Variants in MAP3K6 observed in about 807,000 individuals in gnomAD.
MAP3K6 encodes the protein apoptosis signal-regulating kinase 2.
Under a neutral mutation model 147.1 loss-of-function variants are expected in MAP3K6, and 105 were observed. The ratio of observed to expected loss-of-function variants is 0.71; its 90% CI spans 0.61 to 0.84. MAP3K6 has a LOEUF of 0.84. MAP3K6 is among the 40% of genes least tolerant of loss of function. The pLI is 0.00. For missense variants in MAP3K6, 1,569 were observed against 1,715.0 expected, an observed-to-expected ratio of 0.91 and a Z score of 1.50; for synonymous variants, 695 against 732.4, an observed-to-expected ratio of 0.95 and a Z score of 0.82.
At position 27,364,627 on chromosome 1, in the gene MAP3K6, G is replaced by T. The variant is rs2015910524; in HGVS notation, c.504+34C>A. ...GTCAGAGGTCATAGCGGAAGTCAAA[G>T]GGCACTTTTGAGTGAGAGGTGGATT... On this transcript the variant is annotated intron_variant, in intron 3 of 28. Coordinates refer to ENST00000357582, the MANE Select transcript of MAP3K6 (RefSeq NM_004672.5). The surrounding 1 kb of genome is among the most constrained non-coding windows in gnomAD (Gnocchi z 4.4). 1.2e-6 allele frequency: 2 copies of T among 1,614,134 alleles called. No homozygotes were observed. The highest frequency in any genetic ancestry group is 4.5e-5 in the East Asian group (2 of 44,886).
At position 27,357,391 on chromosome 1, in the gene MAP3K6, C is replaced by A. The variant is rs755510244; in HGVS notation, c.3258+9G>T. The A allele has an allele frequency of 8.8e-6, 14 of 1,587,476 alleles. No homozygotes were observed. The highest frequency in any genetic ancestry group is 5.4e-5 in the African/African-American group (4 of 73,970). On this transcript the variant is annotated intron_variant, in intron 23 of 28. Coordinates refer to ENST00000357582, the MANE Select transcript of MAP3K6 (RefSeq NM_004672.5). ...TTGGGCAGCTCTAACTACCAGAAGG[C>A]GCCCTCACCGCATCCGGGAAGGCAA...
chr1:27,362,165 G>C lies in MAP3K6; in HGVS notation c.1341C>G (p.Ala447=). ...GGGTGGGGTCATTGGCGAGGATCTG[G>C]GCTCCCAGGTAGAAACCCACATCCC... is the stretch of plus-strand genomic sequence containing the variant. ...YYWDVGFYLG[A]QILANDPTQV... Residue 447 remains alanine, a synonymous_variant, in exon 9 of 29, where the codon GCC becomes GCG. Transcript: ENST00000357582. 6.2e-7 allele frequency: 1 copy of C among 1,613,690 alleles called. No individual in the cohort carries two copies. Among genetic ancestry groups the C allele is most frequent in the Non-Finnish European group, 8.5e-7 (1 of 1,179,978 alleles).
Position 27,361,246 on chromosome 1 carries a change from T to C in MAP3K6, c.1743A>G (p.Ser581=), listed in dbSNP as rs117624579. The change falls in exon 13 of 29, where the codon TCA becomes TCG. Residue 581 remains serine, a synonymous_variant. Transcript: ENST00000357582. ...PVASICGVSA[S]KRDERCCFLY... ...GGAAGCAGCAGCGCTCGTCGCGCTTTGAGGCGCTGGGAAGGGATGAAGAAC... is the reference window on the plus strand; with the variant it reads ...GGAAGCAGCAGCGCTCGTCGCGCTTCGAGGCGCTGGGAAGGGATGAAGAAC... The C allele has an allele frequency of 3.1e-4, 494 of 1,613,504 alleles. 6 individuals carry two copies. In the East Asian group the frequency reaches 0.011, roughly 36 times the overall value.
Position 27,359,827 on chromosome 1 carries a change from C to T in MAP3K6, c.2319+31G>A, listed in dbSNP as rs2015676076. On this transcript the variant is annotated intron_variant, in intron 17 of 28. Transcript: ENST00000357582. The surrounding 1 kb of genome is among the most constrained non-coding windows in gnomAD (Gnocchi z 4.4). ...ATGTTTCCTTCCCCGCCACCCTCAGCAGATGAGGGCGGGCCAGCCCCAGGG... is the reference window on the plus strand; with the variant it reads ...ATGTTTCCTTCCCCGCCACCCTCAGTAGATGAGGGCGGGCCAGCCCCAGGG... 3 of 1,612,436 alleles carry T rather than the reference C, an allele frequency of 1.9e-6. No individual in the cohort carries two copies. In the East Asian group the frequency reaches 6.7e-5, roughly 36 times the overall value.
At chr1:27,363,411 G>T in intron 6 of MAP3K6, 31 bp downstream of exon 6, 5 of 1,575,044 alleles carry the variant, frequency 3.2e-6, no homozygotes, top group Non-Finnish European at 4.3e-6. Context: ...CCTTTATGTG[G>T]CTATGACCTA....
chr1:27,360,688 GCTGC>G lies in MAP3K6; in HGVS notation c.2054+13_2054+16del. ...CTCGCGAGCCCTCAGCCCCACCCGC[GCTGC>G]CACGCACCGCACCTGCTGTCCCGCT... On this transcript the variant is annotated intron_variant, in intron 15 of 28. Transcript: ENST00000357582. The surrounding 1 kb of genome is among the most constrained non-coding windows in gnomAD (Gnocchi z 4.5). 6.2e-7 allele frequency: 1 copy of G among 1,601,790 alleles called. No individual in the cohort carries two copies.
chr1:27,355,543 AG>A, intron 28 of MAP3K6, 74 bp from the exon 29 acceptor site: 1 of 1,578,512 alleles, frequency 6.3e-7, no homozygotes, highest in Non-Finnish European at 8.7e-7. Context: ...CTGTCTGCCC[AG>A]TGCCCCCTCT....
chr1:27,361,437 G>A (rs770703829), intron 11 of MAP3K6, 42 bp from the exon 12 acceptor site: 33 of 1,612,136 alleles, frequency 2.0e-5, no homozygotes, highest in Non-Finnish European at 2.8e-5. Context: ...GCTGGTGACA[G>A]GAGAGGGGTC....
chr1:27,364,986 C>T lies in MAP3K6; in HGVS notation c.341-74G>A. On this transcript the variant is annotated intron_variant, in intron 1 of 28. Transcript: ENST00000357582. This position sits in a 1 kb window ranked among gnomAD's most constrained non-coding sequence, Gnocchi z 4.4. ...GGGAAGGAGCCGGGGTCCATCCTGG[C>T]TTGACCTGCCTTGCTGTGGGACTCC... 6.8e-7 allele frequency: 1 copy of T among 1,476,796 alleles called. No homozygotes were observed. Among genetic ancestry groups the T allele is most frequent in the Non-Finnish European group, 9.1e-7 (1 of 1,099,516 alleles). 91.5% of individuals were successfully genotyped at this position (1,476,796 alleles called of 1,614,324 possible).
chr1:27,356,840 G>C, intron 24 of MAP3K6, 91 bp from the exon 25 acceptor site: 3 of 1,485,874 alleles, frequency 2.0e-6, no homozygotes, highest in Non-Finnish European at 2.7e-6. Flanking sequence ...GCCCGGCTCT[G>C]GGCAGGCCCC....
At chr1:27,356,925 C>T in intron 24 of MAP3K6, 84 bp downstream of exon 24, 8 of 1,472,876 alleles carry the variant, frequency 5.4e-6, no homozygotes, top group Non-Finnish European at 6.5e-6. Flanking sequence ...CCCGCCTGGC[C>T]CCCACCGGCC....
intron 23 of MAP3K6, 31 bp from the exon 24 acceptor site, chr1:27,357,145 G>T (rs776582685): frequency 6.3e-7 from 1 of 1,584,754 alleles, no homozygotes; most frequent in Non-Finnish European, 8.7e-7. Context: ...CGCTGAGACA[G>T]CTGAGCCTCA....
In MAP3K6 at chr1:27,362,903, A is replaced by G; in HGVS notation, c.1090T>C (p.Phe364Leu). 1 of 1,614,170 alleles carries G rather than the reference A, an allele frequency of 6.2e-7. No homozygotes were observed. Among genetic ancestry groups the G allele is most frequent in the Non-Finnish European group, 8.5e-7 (1 of 1,180,024 alleles). ...CMCGRIYKDMFFSSGFQDAGH... is the reference protein window; with the variant it reads ...CMCGRIYKDMLFSSGFQDAGH... The stretch of plus-strand genomic sequence containing the variant: ...GCATCCTGGAAACCCGAGCTGAAGA[A>G]CATGTCCTTGTAGATACGGCCACAC... Residue 364 changes from phenylalanine to leucine, a missense_variant, in exon 7 of 29, where the codon TTC (phenylalanine) becomes CTC (leucine). By Grantham distance (22) the Phe-to-Leu change is conservative. Transcript: ENST00000357582.
At position 27,364,935 on chromosome 1, in the gene MAP3K6, G is replaced by A. The variant is rs1034556970; in HGVS notation, c.341-23C>T. 9.6e-6 allele frequency: 15 copies of A among 1,558,136 alleles called. No homozygotes were observed. Among genetic ancestry groups the A allele is most frequent in the South Asian group, 4.8e-5 (4 of 83,122 alleles). The stretch of plus-strand genomic sequence containing the variant: ...CATCTGCAGGCACAGAGGGGGTGGC[G>A]CTGATCCCTGAAGCCCAGCTTGATG... On this transcript the variant is annotated intron_variant, in intron 1 of 28. Transcript: ENST00000357582. This position sits in a 1 kb window ranked among gnomAD's most constrained non-coding sequence, Gnocchi z 4.4.
chr1:27,363,095 C>T (rs568511772), intron 6 of MAP3K6, 74 bp from the exon 7 acceptor site: 2 of 1,355,842 alleles, frequency 1.5e-6, no homozygotes, highest in Non-Finnish European at 2.0e-6. Context: ...AGACACTGAA[C>T]CAGCAGGGAC....
chr1:27,362,768 G>T lies in MAP3K6; in HGVS notation c.1143-15C>A, dbSNP rs377748365. The T allele has an allele frequency of 3.1e-6, 5 of 1,612,212 alleles. No individual in the cohort carries two copies. Among genetic ancestry groups the T allele is most frequent in the Non-Finnish European group, 4.2e-6 (5 of 1,178,810 alleles). ...CCTTGCGATACCTGGGGTGGGGGTA[G>T]GGGGCACAGGGCTGGACTGATGCCC... On this transcript the variant is annotated splice_polypyrimidine_tract_variant and intron_variant, in intron 7 of 28. Coordinates refer to ENST00000357582, the MANE Select transcript of MAP3K6 (RefSeq NM_004672.5).
chr1:27,364,150 A>G lies in MAP3K6; in HGVS notation c.695+54T>C. The G allele has an allele frequency of 6.2e-7, 1 of 1,600,272 alleles. No homozygotes were observed. The highest frequency in any genetic ancestry group is 2.2e-5 in the East Asian group (1 of 44,684). On this transcript the variant is annotated intron_variant, in intron 4 of 28. Transcript: ENST00000357582. The surrounding 1 kb of genome is among the most constrained non-coding windows in gnomAD (Gnocchi z 4.4). ...GGGGCCTGTACCTCAGCCCCAGCCC[A>G]CCATACCCTCACCAGCCCCCTCCTG...
chr1:27,361,482 T>G, intron 11 of MAP3K6, 38 bp downstream of exon 11: 1 of 1,612,716 alleles, frequency 6.2e-7, no homozygotes, highest in Non-Finnish European at 8.5e-7. Context: ...GAAAAGGTCC[T>G]AGCAAAGGTG....
rs771937170 is a variant in MAP3K6, at chr1:27,360,368, C to A, written c.2055G>T (p.Arg685Ser). 5 of 1,613,310 alleles carry A rather than the reference C, an allele frequency of 3.1e-6. No individual in the cohort carries two copies. The highest frequency in any genetic ancestry group is 2.2e-5 in the East Asian group (1 of 44,866). The change falls in exon 16 of 29, where the codon AGG becomes AGT. Residue 685 changes from arginine (R) to serine (S), a missense_variant and splice_region_variant. Transcript: ENST00000357582. This position sits in a 1 kb window ranked among gnomAD's most constrained non-coding sequence, Gnocchi z 4.5. ...AIKEIPERDS[R>S]FSQPLHEEIA... is the part of the protein sequence containing the mutation. The stretch of plus-strand genomic sequence containing the variant: ...TCTCTTCATGCAGGGGCTGAGAGAA[C>A]CTGAGGGGAGGTAAGGGAGAGAGGA...
Sources: allele counts gnomAD v4.1 joint callset, GRCh38; gene constraint gnomAD v4.1.1; non-coding constraint Gnocchi (gnomAD v3.1); transcripts MANE v1.5; gene names NCBI Gene and HGNC (gene_info 2026-07-23, HGNC 2026-07-21).